The following PCDHGA3 variants were observed in gnomAD, a reference collection of about 807,000 sequenced individuals.
The protein encoded by PCDHGA3 is protocadherin gamma-A3.
PCDHGA3 carries 40 observed loss-of-function variants against 58.5 expected under a neutral mutation model. The ratio of observed to expected loss-of-function variants is 0.68; its 90% CI spans 0.53 to 0.89. The LOEUF is 0.89. PCDHGA3 is among the 40% of genes least tolerant of loss of function. The pLI is 0.00. For synonymous variants in PCDHGA3, 530 were observed against 525.7 expected (o/e 1.01, Z -0.11); for missense variants, 1,223 against 1,195.9 (o/e 1.02, Z -0.33).
At chr5:141,365,363 CCCGAAG>C in intron 1 of PCDHGA3, 1 of 1,613,782 alleles carries the variant, frequency 6.2e-7, no homozygotes, top group African/African-American at 1.3e-5. Context: ...TGACAATGCC[CCCGAAG>C]TGATCCTCAC....
At chr5:141,413,406 G>A (rs2095636376) in intron 1 of PCDHGA3, 1 of 1,613,950 alleles carries the variant, frequency 6.2e-7, no homozygotes, top group Non-Finnish European at 8.5e-7. Context: ...GTAGGACGCA[G>A]CTTTTCTCTC....
Position 141,476,878 on chromosome 5 carries a change from G to A in PCDHGA3, c.2425-17929G>A. 2 of 1,613,960 alleles carry A rather than the reference G, an allele frequency of 1.2e-6. No homozygotes were observed. The highest frequency in any genetic ancestry group is 1.7e-6 in the Non-Finnish European group (2 of 1,180,034). Reference sequence around the variant, plus strand: ...AGTCCTTGTACCGGGCGCGCGTCCTGGAGGATGCACCCTCCGGCACGCGCG... The same window carrying A: ...AGTCCTTGTACCGGGCGCGCGTCCTAGAGGATGCACCCTCCGGCACGCGCG... On this transcript the variant is annotated intron_variant, in intron 1 of 3. Transcript: ENST00000253812. This position sits in a 1 kb window ranked among gnomAD's most constrained non-coding sequence, Gnocchi z 7.6.
intron 1 of PCDHGA3, chr5:141,442,419 T>TG (rs1214499832): frequency 1.3e-5 from 2 of 152,192 alleles, no homozygotes; most frequent in African/African-American, 4.8e-5. Context: ...AGTGAACTTC[T>TG]TTTTTGAATC....
In PCDHGA3 at chr5:141,394,824, G is replaced by C. The variant is rs200702899; in HGVS notation, c.2424+48367G>C. The C allele has an allele frequency of 8.2e-4, 1,326 of 1,613,856 alleles. 15 individuals are homozygous for C. The highest frequency in any genetic ancestry group is 9.3e-4 in the Admixed American group (56 of 60,030). ...AGCCGTGGCTGACAGCATCCCCGAA[G>C]TCCTGACCGAGTTGGGCAGTCTGAA... On this transcript the variant is annotated intron_variant, in intron 1 of 3. Transcript: ENST00000253812.
chr5:141,405,540 C>A (rs2094682922), intron 1 of PCDHGA3: 1 of 641,202 alleles, frequency 1.6e-6, no homozygotes, highest in African/African-American at 1.8e-5. Context: ...CTGCCTCAGC[C>A]TCCCAAGTAG....
At chr5:141,496,581 C>T (rs868326584) in intron 2 of PCDHGA3, among the ~76,000 whole-genome samples, 9 of 152,134 alleles carry the variant, frequency 5.9e-5, no homozygotes, top group African/African-American at 1.9e-4. Flanking sequence ...ATTTTAGGAA[C>T]GCAAAGCGCT....
chr5:141,365,394 C>A (rs1245270195), intron 1 of PCDHGA3: 2 of 1,613,822 alleles, frequency 1.2e-6, no homozygotes, highest in Admixed American at 1.7e-5. Context: ...CTGACCAGTT[C>A]GATCTCTGAA....
At chr5:141,376,066 C>G in intron 1 of PCDHGA3, 1 of 1,613,396 alleles carries the variant, frequency 6.2e-7, no homozygotes, top group Non-Finnish European at 8.5e-7. Context: ...TCACGCTCAC[C>G]GTGGCCGTGG....
intron 1 of PCDHGA3, chr5:141,404,513 G>A: frequency 1.2e-6 from 2 of 1,613,786 alleles, no homozygotes; most frequent in Non-Finnish European, 1.7e-6. Context: ...GTGCTCCTTT[G>A]ACTATGAGCA....
At chr5:141,369,395 G>A (rs1766207987) in intron 1 of PCDHGA3, among the ~76,000 whole-genome samples, 1 of 152,102 alleles carries the variant, frequency 6.6e-6, no homozygotes, top group Non-Finnish European at 1.5e-5. Context: ...TTTGGGCCAG[G>A]GTGGTTCATG....
chr5:141,367,702 CTTAAGG>C (rs1765297530), intron 1 of PCDHGA3: 1 of 151,984 alleles, frequency 6.6e-6, no homozygotes, highest in Admixed American at 6.6e-5. Flanking sequence ...GTAAAGGAAC[CTTAAGG>C]TTGGGCTTCG....
At chr5:141,356,697 A>G in intron 1 of PCDHGA3, 3 of 1,613,888 alleles carry the variant, frequency 1.9e-6, no homozygotes, top group Non-Finnish European at 2.5e-6. Context: ...TCCAGGGTGC[A>G]CCTCTGTCCT....
chr5:141,357,215 T>C (rs566972487), intron 1 of PCDHGA3: 86 of 1,613,818 alleles, frequency 5.3e-5, no homozygotes, highest in Non-Finnish European at 7.6e-6. Context: ...CCAGATGTCC[T>C]GGCTGACTTG....
intron 1 of PCDHGA3, among the ~76,000 whole-genome samples, chr5:141,373,166 C>G (rs1478798062): frequency 6.6e-6 from 1 of 152,196 alleles, no homozygotes; most frequent in African/African-American, 2.4e-5. Context: ...TTAATGCAGT[C>G]AATCCTAAAA....
At chr5:141,410,060 G>C in intron 1 of PCDHGA3, 1 of 1,613,108 alleles carries the variant, frequency 6.2e-7, no homozygotes, top group Non-Finnish European at 8.5e-7. Flanking sequence ...CTTCAGCCTG[G>C]GGCTGCGCAC....
rs749601680 is a variant in PCDHGA3, at chr5:141,344,587, T to G, written c.554T>G (p.Val185Gly). ...NDYFSLAVNS[V>G]SEGAKYPELV... is the part of the protein sequence containing the mutation. ...TACTTCTCTCTGGCTGTGAATAGCG[T>G]CTCTGAGGGGGCCAAGTATCCAGAG... Residue 185 changes from valine (V) to glycine (G), a missense_variant, in exon 1 of 4, where the codon GTC becomes GGC. Around this residue, in one of 3 missense-constraint regions of PCDHGA3, gnomAD observed 791 missense variants for 708.5 expected, o/e 1.12. Coordinates refer to ENST00000253812, the MANE Select transcript of PCDHGA3 (RefSeq NM_018916.4). 1.2e-6 allele frequency: 2 copies of G among 1,613,870 alleles called. No homozygotes were observed. The highest frequency in any genetic ancestry group is 2.7e-5 in the African/African-American group (2 of 74,924).
In PCDHGA3 at chr5:141,432,009, G is replaced by A. The variant is rs1227754190; in HGVS notation, c.2425-62798G>A. ...GTCTTGGATAGGGAACAGGTTCCTA[G>A]CTACAACATCACAGTGACCGCCACT... On this transcript the variant is annotated intron_variant, in intron 1 of 3. Coordinates refer to ENST00000253812, the MANE Select transcript of PCDHGA3 (RefSeq NM_018916.4). The surrounding 1 kb of genome is among the most constrained non-coding windows in gnomAD (Gnocchi z 6.0). The A allele has an allele frequency of 1.2e-6, 2 of 1,614,188 alleles. No homozygotes were observed. The highest frequency in any genetic ancestry group is 1.7e-6 in the Non-Finnish European group (2 of 1,180,024).
intron 1 of PCDHGA3, chr5:141,394,262 G>A: frequency 6.2e-7 from 1 of 1,613,952 alleles, no homozygotes; most frequent in Non-Finnish European, 8.5e-7. Flanking sequence ...ACAGCCAGGA[G>A]AATGCCCAGG....
intron 1 of PCDHGA3, chr5:141,389,630 T>G: frequency 6.2e-7 from 1 of 1,612,990 alleles, no homozygotes; most frequent in South Asian, 1.1e-5. Context: ...CTGCAGAGCC[T>G]GGCTACTTGG....
Sources: gnomAD v4.1 joint callset for allele counts (sites outside exome capture counted in the v4.1 genomes callset) on GRCh38, gnomAD v4.1.1 for gene constraint, gnomAD v4.1.1 regional missense constraint, Gnocchi (gnomAD v3.1) non-coding constraint, MANE v1.5 for transcripts, NCBI Gene and HGNC (gene_info 2026-07-23, HGNC 2026-07-21) for gene names.